Variants in PRKCB observed in about 807,000 individuals in gnomAD.
The protein encoded by PRKCB is protein kinase C beta.
Under a neutral mutation model 81.5 loss-of-function variants are expected in PRKCB, and 13 were observed. The observed-to-expected ratio is 0.16, with a 90% CI of 0.10 to 0.25. The LOEUF (loss-of-function observed/expected upper bound fraction) is 0.25, where lower values mean the gene tolerates loss of function less well. Ranked by LOEUF, PRKCB falls within the 10% of genes least tolerant of loss-of-function variation. The pLI is 1.00. For missense variants in PRKCB, 509 were observed against 875.7 expected (o/e 0.58, Z 5.29); for synonymous variants, 335 against 321.4 (o/e 1.04, Z -0.45).
chr16:23,879,361 T>A (rs1597224360), intron 2 of PRKCB, among the ~76,000 whole-genome samples: 1 of 152,102 alleles, frequency 6.6e-6, no homozygotes, highest in East Asian at 1.9e-4. Context: ...TAGCCTAGGA[T>A]GAAGTTCAGC....
chr16:23,951,952 C>T lies in PRKCB; in HGVS notation c.206-36556C>T, dbSNP rs1422096311. 3.9e-5 allele frequency among the ~76,000 whole-genome samples: 6 copies of T among 152,108 alleles called. No homozygotes were observed. The South Asian group carries it at 1.2e-3, about 32-fold the overall frequency. ...GATATATCACATTGATTGGTGGTGACCTGTTTGTCTCCCTGGCTGTCAGAC... is the reference window on the plus strand; with the variant it reads ...GATATATCACATTGATTGGTGGTGATCTGTTTGTCTCCCTGGCTGTCAGAC... On this transcript the variant is annotated intron_variant, in intron 2 of 16. Transcript: ENST00000643927.
Position 24,215,184 on chromosome 16 carries a change from G to T in PRKCB, c.*368G>T, listed in dbSNP as rs776451620. 3.7e-5 allele frequency: 38 copies of T among 1,033,838 alleles called. No individual in the cohort carries two copies. Among genetic ancestry groups the T allele is most frequent in the Admixed American group, 5.0e-5 (1 of 19,866 alleles). 64.0% of individuals were successfully genotyped at this position (1,033,838 alleles called of 1,614,324 possible). The stretch of plus-strand genomic sequence containing the variant: ...CCATCCAATCTGTGGATAATTGGAT[G>T]TTAGCGGTACTCTTCCACTTCCGGG... On this transcript the variant is annotated 3_prime_UTR_variant, in exon 17 of 17. Coordinates refer to ENST00000643927, the MANE Select transcript of PRKCB (RefSeq NM_002738.7).
chr16:24,128,051 G>GAAAACAAAAC lies in PRKCB; in HGVS notation c.1065+4087_1065+4096dup, dbSNP rs369204846. 2.6e-4 allele frequency among the ~76,000 whole-genome samples: 40 copies of GAAAACAAAAC among 151,392 alleles called. 1 individual carries two copies. Among genetic ancestry groups the GAAAACAAAAC allele is most frequent in the Admixed American group, 7.2e-4 (11 of 15,200 alleles). On this transcript the variant is annotated intron_variant, in intron 9 of 16. Coordinates refer to ENST00000643927, the MANE Select transcript of PRKCB (RefSeq NM_002738.7). ...TCTGTTTCCACCTCCCTTAACCCAG[G>GAAAACAAAAC]AAAACAAAACAAAACAAAACAAAAC... is the stretch of plus-strand genomic sequence containing the variant.
chr16:24,184,562 A>G (rs1967674763), intron 13 of PRKCB, among the ~76,000 whole-genome samples: 1 of 152,228 alleles, frequency 6.6e-6, no homozygotes, highest in African/African-American at 2.4e-5. Context: ...AGAAAAGAGT[A>G]TGGAATGAAG....
rs1289649609 is a variant in PRKCB, at chr16:24,122,608, C to T, written c.919-1227C>T. 3.9e-5 allele frequency among the ~76,000 whole-genome samples: 6 copies of T among 152,170 alleles called. No individual in the cohort carries two copies. The East Asian group carries it at 1.2e-3, about 29-fold the overall frequency. Reference sequence around the variant, plus strand: ...CCAGGTAGCTGGGATGACAGGTGCACACCACCTTGCCTGGCTAACTTTCTT... The same window carrying T: ...CCAGGTAGCTGGGATGACAGGTGCATACCACCTTGCCTGGCTAACTTTCTT... On this transcript the variant is annotated intron_variant, in intron 8 of 16. Transcript: ENST00000643927.
chr16:24,097,318 G>T (rs989679852), intron 7 of PRKCB, among the ~76,000 whole-genome samples: 1 of 152,146 alleles, frequency 6.6e-6, no homozygotes, highest in Non-Finnish European at 1.5e-5. Flanking sequence ...TTGCAGGTGT[G>T]AGCCTCCGTG....
intron 2 of PRKCB, among the ~76,000 whole-genome samples, chr16:23,868,812 G>A (rs997882895): frequency 9.2e-5 from 14 of 152,184 alleles, no homozygotes; most frequent in Non-Finnish European, 1.6e-4. Context: ...GAAGCATCAG[G>A]TCCACTTGGG....
intron 2 of PRKCB, among the ~76,000 whole-genome samples, chr16:23,973,140 C>T (rs928293861): frequency 3.9e-5 from 6 of 152,052 alleles, no homozygotes; most frequent in East Asian, 1.9e-4. Context: ...CAGGTCAGGA[C>T]GGAAGTGATA....
intron 5 of PRKCB, among the ~76,000 whole-genome samples, chr16:24,038,901 G>T (rs1447480214): frequency 6.6e-6 from 1 of 152,202 alleles, no homozygotes; most frequent in Admixed American, 6.5e-5. Context: ...AGGTCAGTCA[G>T]TGCTGTGGGA....
chr16:24,212,373 T>A (rs1051355249), intron 16 of PRKCB, among the ~76,000 whole-genome samples: 2 of 145,150 alleles, frequency 1.4e-5, no homozygotes, highest in Non-Finnish European at 3.0e-5. Context: ...ACTCTTGTTA[T>A]CTCTTTCCAC....
intron 9 of PRKCB, among the ~76,000 whole-genome samples, chr16:24,133,024 A>T (rs188623401): frequency 1.3e-5 from 2 of 152,224 alleles, no homozygotes; most frequent in African/African-American, 4.8e-5. Flanking sequence ...TGTCACAAAC[A>T]TATTCTAGGA....
intron 5 of PRKCB, among the ~76,000 whole-genome samples, chr16:24,061,984 T>C (rs1272975851): frequency 1.3e-5 from 2 of 151,768 alleles, no homozygotes; most frequent in African/African-American, 4.8e-5. Context: ...GAAAACTCTG[T>C]TGGGCAGCTT....
chr16:24,033,463 AC>A (rs1282737913), intron 4 of PRKCB, among the ~76,000 whole-genome samples: 2 of 152,166 alleles, frequency 1.3e-5, no homozygotes, highest in African/African-American at 2.4e-5. Flanking sequence ...ACAGGCAGAC[AC>A]ACAGACCAAC....
chr16:23,908,811 C>T (rs568236409), intron 2 of PRKCB, among the ~76,000 whole-genome samples: 61 of 152,304 alleles, frequency 4.0e-4, no homozygotes, highest in African/African-American at 6.0e-4. Context: ...AGCCACCGCG[C>T]CCAGCCTGGG....
Sources: gnomAD v4.1 joint callset for allele counts (sites outside exome capture counted in the v4.1 genomes callset) on GRCh38, gnomAD v4.1.1 for gene constraint, MANE v1.5 for transcripts, NCBI Gene and HGNC (gene_info 2026-07-23, HGNC 2026-07-21) for gene names.